The following ITGA11 variants were observed in gnomAD, a reference collection of about 807,000 sequenced individuals.
The protein encoded by ITGA11 is integrin subunit alpha 11.
A neutral mutation model predicts 141.9 loss-of-function variants in ITGA11; 97 were observed. That is an observed-to-expected ratio of 0.68 (90% CI 0.58 to 0.81). The LOEUF (loss-of-function observed/expected upper bound fraction) is 0.81. Among genes scored for constraint, ITGA11 ranks in the 30% least tolerant of loss-of-function variants. ITGA11 has a pLI of 0.00. For missense variants in ITGA11, 1,387 were observed against 1,559.2 expected, an observed-to-expected ratio of 0.89 and a Z score of 1.86; for synonymous variants, 658 against 624.6, an observed-to-expected ratio of 1.05 and a Z score of -0.80.
rs1388220176 is a variant in ITGA11, at chr15:68,322,464, G to T, written c.2323-961C>A. ...AATAGGTTAGTGACCCCAGAGGCGG[G>T]ATCAATAGGAACCTGGAGGTTGTCG... On this transcript the variant is annotated intron_variant, in intron 18 of 29. Coordinates refer to ENST00000315757, the MANE Select transcript of ITGA11 (RefSeq NM_001004439.2). This position sits in a 1 kb window ranked among gnomAD's most constrained non-coding sequence, Gnocchi z 5.6. Among the ~76,000 whole-genome samples the T allele has an allele frequency of 1.3e-5, 2 of 152,258 alleles. No individual in the cohort carries two copies. The highest frequency in any genetic ancestry group is 3.9e-4 in the East Asian group (2 of 5,178).
At chr15:68,344,581 A>G (rs1894684042) in intron 10 of ITGA11, among the ~76,000 whole-genome samples, 1 of 151,992 alleles carries the variant, frequency 6.6e-6, no homozygotes, top group African/African-American at 2.4e-5. Context: ...GAGGGGGACT[A>G]GACTCGAAGA....
chr15:68,309,019 G>C (rs923107029), intron 26 of ITGA11, among the ~76,000 whole-genome samples: 2 of 152,228 alleles, frequency 1.3e-5, no homozygotes, highest in African/African-American at 4.8e-5. Context: ...ACCCAGATCA[G>C]CTGCAGAAAA....
chr15:68,407,747 AG>A (rs1294363430), intron 1 of ITGA11, among the ~76,000 whole-genome samples: 1 of 152,222 alleles, frequency 6.6e-6, no homozygotes, highest in East Asian at 1.9e-4. Context: ...TTTCAAAAAA[AG>A]CATCAGTCAG....
At chr15:68,420,192 A>C (rs1896984196) in intron 1 of ITGA11, among the ~76,000 whole-genome samples, 1 of 152,198 alleles carries the variant, frequency 6.6e-6, no homozygotes, top group South Asian at 2.1e-4. Context: ...TGTCTGAATC[A>C]CTACCCTTTT....
At chr15:68,320,901 T>C (rs1196743918) in intron 19 of ITGA11, among the ~76,000 whole-genome samples, 1 of 152,254 alleles carries the variant, frequency 6.6e-6, no homozygotes, top group Non-Finnish European at 1.5e-5. Context: ...GGAAAATATG[T>C]TACATAAATT....
chr15:68,351,497 C>A (rs767974059), intron 7 of ITGA11, 95 bp from the exon 8 acceptor site: 5 of 1,412,010 alleles, frequency 3.5e-6, no homozygotes, highest in Admixed American at 4.2e-5. Flanking sequence ...GAAACCAGGA[C>A]CAAGTCCTCC....
At chr15:68,412,009 C>T (rs1050146071) in intron 1 of ITGA11, among the ~76,000 whole-genome samples, 3 of 152,090 alleles carry the variant, frequency 2.0e-5, no homozygotes, top group Non-Finnish European at 4.4e-5. Context: ...AGCAGAGCCA[C>T]TCAGTTGAGC....
At position 68,296,701 on chromosome 15, in the gene ITGA11, T is replaced by G. The variant is rs1892917648; in HGVS notation, c.*6358A>C. 1 of 152,198 alleles carries G rather than the reference T, an allele frequency of 6.6e-6. No homozygotes were observed. Among genetic ancestry groups the G allele is most frequent in the Non-Finnish European group, 1.5e-5 (1 of 68,024 alleles). The allele number at this position is 152,198 out of a possible 1,614,324, so 9.4% of individuals were successfully genotyped here. The stretch of plus-strand genomic sequence containing the variant: ...TGTAATAGTTGTAGCTTATTTACTT[T>G]AAATATGGTACTTTTGTATCCAAAG... On this transcript the variant is annotated 3_prime_UTR_variant, in exon 30 of 30. Transcript: ENST00000315757.
At chr15:68,420,938 G>A (rs1432133535) in intron 1 of ITGA11, among the ~76,000 whole-genome samples, 4 of 152,232 alleles carry the variant, frequency 2.6e-5, no homozygotes, top group African/African-American at 9.6e-5. Flanking sequence ...GCATGCAGGG[G>A]GGTTGAATTT....
intron 1 of ITGA11, among the ~76,000 whole-genome samples, chr15:68,416,571 C>T (rs1896891079): frequency 6.6e-6 from 1 of 152,182 alleles, no homozygotes; most frequent in African/African-American, 2.4e-5. Context: ...CATTATTTTT[C>T]CTCCGAGCCC....
At chr15:68,398,217 T>C (rs1896370157) in intron 2 of ITGA11, among the ~76,000 whole-genome samples, 1 of 151,800 alleles carries the variant, frequency 6.6e-6, no homozygotes, top group East Asian at 1.9e-4. Context: ...GCAAATTGGA[T>C]AGAGTCAAGA....
At chr15:68,386,247 G>A (rs967239541) in intron 2 of ITGA11, among the ~76,000 whole-genome samples, 4 of 152,134 alleles carry the variant, frequency 2.6e-5, no homozygotes, top group African/African-American at 9.6e-5. Context: ...CCAAGCTTTG[G>A]GGGTGGTAGT....
intron 2 of ITGA11, among the ~76,000 whole-genome samples, chr15:68,390,547 C>T (rs1896093385): frequency 6.6e-6 from 1 of 152,126 alleles, no homozygotes; most frequent in African/African-American, 2.4e-5. Flanking sequence ...CATGCAGCTT[C>T]CTGGCCTCCC....
intron 2 of ITGA11, among the ~76,000 whole-genome samples, chr15:68,390,480 C>A (rs78063008): frequency 6.6e-6 from 1 of 152,196 alleles, no homozygotes; most frequent in African/African-American, 2.4e-5. Context: ...GTGGAAACAG[C>A]GGATCCTTGG....
At chr15:68,427,948 G>A (rs1402244305) in intron 1 of ITGA11, among the ~76,000 whole-genome samples, 1 of 152,116 alleles carries the variant, frequency 6.6e-6, no homozygotes, top group African/African-American at 2.4e-5. Context: ...TCAGTGATGA[G>A]GATCAGCAGA....
At position 68,305,320 on chromosome 15, in the gene ITGA11, A is replaced by G. The variant is rs1893157042; in HGVS notation, c.3382-1435T>C. On this transcript the variant is annotated intron_variant, in intron 28 of 29. Coordinates refer to ENST00000315757, the MANE Select transcript of ITGA11 (RefSeq NM_001004439.2). The surrounding 1 kb of genome is among the most constrained non-coding windows in gnomAD (Gnocchi z 4.6). ...TTTTCCCAACTCCCCTGTATAAAAC[A>G]GCACCCCCTGGCACTCCACCCTTAG... is the stretch of plus-strand genomic sequence containing the variant. Among the ~76,000 whole-genome samples, 1 of 152,210 alleles carries G rather than the reference A, an allele frequency of 6.6e-6. No homozygotes were observed. Among genetic ancestry groups the G allele is most frequent in the South Asian group, 2.1e-4 (1 of 4,832 alleles).
At chr15:68,315,964 C>T (rs74667645) in intron 21 of ITGA11, among the ~76,000 whole-genome samples, 2,429 of 152,274 alleles carry the variant, frequency 0.016, 32 homozygotes, top group Admixed American at 0.024. Flanking sequence ...TGGGGTTTCT[C>T]GGGGCTGAGC....
At chr15:68,401,450 C>T (rs1162052956) in intron 2 of ITGA11, among the ~76,000 whole-genome samples, 1 of 152,096 alleles carries the variant, frequency 6.6e-6, no homozygotes, top group Non-Finnish European at 1.5e-5. Context: ...AAAATGGAAA[C>T]AATCCAAATA....
Position 68,361,576 on chromosome 15 carries a change from T to A in ITGA11, c.472+14A>T. On this transcript the variant is annotated intron_variant, in intron 5 of 29. Transcript: ENST00000315757. ...CACTGCTCAGCTTGAGGTTGCAGAT[T>A]TGAAGCCACTTACTTTGGAGAGCTG... 6.4e-7 allele frequency: 1 copy of A among 1,567,452 alleles called. No homozygotes were observed. The highest frequency in any genetic ancestry group is 8.7e-7 in the Non-Finnish European group (1 of 1,148,726).
Sources: allele counts gnomAD v4.1 joint callset (sites outside exome capture counted in the v4.1 genomes callset), GRCh38; gene constraint gnomAD v4.1.1; non-coding constraint Gnocchi (gnomAD v3.1); transcripts MANE v1.5; gene names NCBI Gene and HGNC (gene_info 2026-07-23, HGNC 2026-07-21).